The following XKR9 variants were observed in gnomAD, a reference collection of about 807,000 sequenced individuals.
The protein encoded by XKR9 is XK related 9.
A neutral mutation model predicts 32.0 loss-of-function variants in XKR9; 32 were observed. The observed-to-expected ratio is 1.00, with a 90% confidence interval of 0.76 to 1.34. The LOEUF (loss-of-function observed/expected upper bound fraction) is 1.34, where lower values mean the gene tolerates loss of function less well. Ranked by LOEUF, XKR9 falls within the 40% of genes most tolerant of loss-of-function variation. The pLI, the probability that XKR9 is intolerant of heterozygous loss-of-function variation, is 0.00. For synonymous variants in XKR9, 168 were observed against 143.4 expected, an observed-to-expected ratio of 1.17 and a Z score of -1.22; for missense variants, 546 against 429.7, an observed-to-expected ratio of 1.27 and a Z score of -2.39.
chr8:71,011,985 C>T, the XKR9 span, among the ~76,000 whole-genome samples: 1 of 152,030 alleles, frequency 6.6e-6, no homozygotes, highest in Non-Finnish European at 1.5e-5. Flanking sequence ...TAGCTGGTAT[C>T]CCACCCTACC....
intron 3 of XKR9, among the ~76,000 whole-genome samples, chr8:70,683,784 G>C (rs991468882): frequency 6.6e-6 from 1 of 152,158 alleles, no homozygotes; most frequent in Non-Finnish European, 1.5e-5. Context: ...CACCATGTTC[G>C]GCCCTAGAAT....
the XKR9 span, among the ~76,000 whole-genome samples, chr8:70,838,175 A>T: frequency 6.6e-6 from 1 of 152,108 alleles, no homozygotes; most frequent in Non-Finnish European, 1.5e-5. Flanking sequence ...AATAATAGTG[A>T]TGATAACAGA....
chr8:70,759,877 T>C (rs1247917319), intron 2 of XKR9, among the ~76,000 whole-genome samples: 1 of 152,218 alleles, frequency 6.6e-6, no homozygotes, highest in Non-Finnish European at 1.5e-5. Flanking sequence ...AAGAATTGCC[T>C]ATCATCAAAA....
intron 4 of XKR9, among the ~76,000 whole-genome samples, chr8:70,707,679 A>T (rs1268910774): frequency 6.6e-6 from 1 of 152,044 alleles, no homozygotes; most frequent in Non-Finnish European, 1.5e-5. Flanking sequence ...CTTGCATGTA[A>T]AAAGTATATC....
the XKR9 span, among the ~76,000 whole-genome samples, chr8:70,828,919 T>C: frequency 6.6e-6 from 1 of 152,268 alleles, no homozygotes; most frequent in Non-Finnish European, 1.5e-5. Flanking sequence ...TACCTGTTAT[T>C]CTCCTAATAA....
the XKR9 span, among the ~76,000 whole-genome samples, chr8:71,037,117 T>C: frequency 1.3e-5 from 2 of 152,188 alleles, no homozygotes; most frequent in Non-Finnish European, 2.9e-5. Context: ...GTGAATCTTA[T>C]TTGCTTTGTC....
the XKR9 span, among the ~76,000 whole-genome samples, chr8:70,929,693 C>T: frequency 6.6e-6 from 1 of 152,202 alleles, no homozygotes; most frequent in Non-Finnish European, 1.5e-5. Flanking sequence ...AGTCTTTGCA[C>T]ATGGCCACTT....
At chr8:70,716,520 A>G (rs1806095500) in intron 4 of XKR9, among the ~76,000 whole-genome samples, 1 of 152,168 alleles carries the variant, frequency 6.6e-6, no homozygotes, top group South Asian at 2.1e-4. Context: ...TGAGAGCCGA[A>G]TGAAGGGGGA....
At chr8:70,748,464 G>T (rs376829592) in intron 2 of XKR9, among the ~76,000 whole-genome samples, 1 of 152,126 alleles carries the variant, frequency 6.6e-6, no homozygotes, top group African/African-American at 2.4e-5. Flanking sequence ...CTGGCTGGGT[G>T]TGTGTGCATT....
chr8:71,052,981 G>C, the XKR9 span, among the ~76,000 whole-genome samples: 4 of 152,126 alleles, frequency 2.6e-5, no homozygotes, highest in East Asian at 1.9e-4. Flanking sequence ...TTAGTCCAAT[G>C]GTACTTAAAA....
chr8:70,736,941 G>T (rs552704980), downstream of XKR9, among the ~76,000 whole-genome samples: 1 of 152,122 alleles, frequency 6.6e-6, no homozygotes, highest in African/African-American at 2.4e-5. Context: ...GGATTGACTC[G>T]GCGATGCGGG....
chr8:70,945,677 C>T, the XKR9 span, among the ~76,000 whole-genome samples: 2 of 152,110 alleles, frequency 1.3e-5, no homozygotes, highest in South Asian at 2.1e-4. Context: ...ATCTTATTTA[C>T]AGTGTTAGAA....
the XKR9 span, among the ~76,000 whole-genome samples, chr8:70,898,834 G>A: frequency 6.6e-6 from 1 of 151,724 alleles, no homozygotes; most frequent in African/African-American, 2.4e-5. Flanking sequence ...CTTTAAAGAT[G>A]TCCTACTCTC....
chr8:70,807,828 C>T, the XKR9 span, among the ~76,000 whole-genome samples: 1 of 152,038 alleles, frequency 6.6e-6, no homozygotes, highest in African/African-American at 2.4e-5. Flanking sequence ...AATTTAACAC[C>T]CCACTGTCAA....
the XKR9 span, among the ~76,000 whole-genome samples, chr8:71,037,211 C>T: frequency 6.6e-6 from 1 of 152,082 alleles, no homozygotes; most frequent in Non-Finnish European, 1.5e-5. Context: ...ATATGACATG[C>T]TATATCAGAT....
the XKR9 span, among the ~76,000 whole-genome samples, chr8:70,976,554 C>A: frequency 1.3e-5 from 2 of 151,950 alleles, no homozygotes; most frequent in Non-Finnish European, 2.9e-5. Context: ...GACTTGCATC[C>A]CAGGGATGAA....
the XKR9 span, among the ~76,000 whole-genome samples, chr8:70,854,138 C>T: frequency 1.3e-5 from 2 of 152,206 alleles, no homozygotes; most frequent in Non-Finnish European, 2.9e-5. Context: ...TTTACAGTCC[C>T]AGCAACAGTG....
chr8:70,799,298 T>A, the XKR9 span, among the ~76,000 whole-genome samples: 1 of 152,188 alleles, frequency 6.6e-6, no homozygotes, highest in East Asian at 1.9e-4. Context: ...AGCATCTTAT[T>A]CTTTTTGTGG....
chr8:70,723,254 G>T (rs1285949096), intron 4 of XKR9, among the ~76,000 whole-genome samples: 1 of 152,032 alleles, frequency 6.6e-6, no homozygotes, highest in Admixed American at 6.6e-5. Context: ...TGCTCCTTTA[G>T]CTCAGAGGAG....
Sources: gnomAD v4.1 joint callset for allele counts (sites outside exome capture counted in the v4.1 genomes callset) on GRCh38, gnomAD v4.1.1 for gene constraint, MANE v1.5 for transcripts, NCBI Gene and HGNC (gene_info 2026-07-23, HGNC 2026-07-21) for gene names.